ZFYVE28: variants seen among roughly 807,000 people sequenced by gnomAD.
The protein encoded by ZFYVE28 is zinc finger FYVE-type containing 28, also known as lateral signaling target protein 2 homolog.
In ZFYVE28, 40 loss-of-function variants were observed where a neutral mutation model predicts 82.1. That is an observed-to-expected ratio of 0.49 (90% confidence interval 0.38 to 0.63). The LOEUF (loss-of-function observed/expected upper bound fraction) is 0.63, where lower values mean the gene tolerates loss of function less well. ZFYVE28 is among the 30% of genes least tolerant of loss of function. ZFYVE28 has a pLI of 0.00. For synonymous variants in ZFYVE28, 612 were observed against 546.1 expected (o/e 1.12, Z -1.68); for missense variants, 1,321 against 1,242.1 (o/e 1.06, Z -0.96).
chr4:2,396,119 C>A (rs3128796), intron 1 of ZFYVE28, among the ~76,000 whole-genome samples: 8,303 of 83,176 alleles, frequency 0.1, 911 homozygotes, highest in Middle Eastern at 0.16. Flanking sequence ...TGCAGAGGGG[C>A]CACAAGGCGG....
intron 1 of ZFYVE28, among the ~76,000 whole-genome samples, chr4:2,382,919 G>C (rs1455519691): frequency 7.2e-6 from 1 of 139,304 alleles, no homozygotes; most frequent in Non-Finnish European, 1.6e-5. Context: ...AGAAGCAAAA[G>C]CAGAAACCCC....
intron 1 of ZFYVE28, among the ~76,000 whole-genome samples, chr4:2,399,669 G>C (rs3128785): frequency 0.85 from 129,322 of 152,264 alleles, 55,079 homozygotes; most frequent in Admixed American, 0.9. Flanking sequence ...CGTTGCACCA[G>C]GTGGCCTACA....
At chr4:2,363,352 AC>A (rs929351690) in intron 1 of ZFYVE28, among the ~76,000 whole-genome samples, 6 of 152,004 alleles carry the variant, frequency 3.9e-5, no homozygotes, top group African/African-American at 1.5e-4. Context: ...ACTGCCCAGA[AC>A]AGCCTGGAAC....
intron 1 of ZFYVE28, among the ~76,000 whole-genome samples, chr4:2,401,101 G>A (rs1401833756): frequency 2.0e-5 from 3 of 152,214 alleles, no homozygotes; most frequent in Non-Finnish European, 2.9e-5. Context: ...GGTACCTAGG[G>A]AGGAAGGCTG....
Position 2,270,721 on chromosome 4 carries a change from C to T in ZFYVE28, c.*4G>A. 1 of 1,613,062 alleles carries T rather than the reference C, an allele frequency of 6.2e-7. No individual in the cohort carries two copies. The highest frequency in any genetic ancestry group is 8.5e-7 in the Non-Finnish European group (1 of 1,179,886). On this transcript the variant is annotated 3_prime_UTR_variant, in exon 13 of 13. Coordinates refer to ENST00000290974, the MANE Select transcript of ZFYVE28 (RefSeq NM_020972.3). ...GGTGGGTTGGGGCTGCCCCTGGCAC[C>T]ACGTCACAGGCCGGCCTTGTCGCTG...
chr4:2,307,077 G>A (rs1226492636), intron 7 of ZFYVE28: 2 of 152,256 alleles, frequency 1.3e-5, no homozygotes, highest in African/African-American at 4.8e-5. Flanking sequence ...GAGCACTACT[G>A]TCTTTAACTG....
intron 1 of ZFYVE28, among the ~76,000 whole-genome samples, chr4:2,392,550 T>C (rs1729954026): frequency 6.6e-6 from 1 of 152,198 alleles, no homozygotes; most frequent in Non-Finnish European, 1.5e-5. Context: ...TGCAAGCAGG[T>C]CCGGATAGAT....
At chr4:2,306,719 C>T (rs1434945603) in intron 7 of ZFYVE28, among the ~76,000 whole-genome samples, 1 of 152,196 alleles carries the variant, frequency 6.6e-6, no homozygotes, top group African/African-American at 2.4e-5. Flanking sequence ...TTTTGTTTAT[C>T]TGAAATTCTA....
intron 1 of ZFYVE28, among the ~76,000 whole-genome samples, chr4:2,411,656 C>G (rs1732531910): frequency 6.6e-6 from 1 of 152,242 alleles, no homozygotes; most frequent in African/African-American, 2.4e-5. Context: ...CTGCTTCCTC[C>G]TGGCTGTAGA....
intron 8 of ZFYVE28, among the ~76,000 whole-genome samples, chr4:2,296,678 G>T (rs1432990700): frequency 6.6e-6 from 1 of 152,158 alleles, no homozygotes; most frequent in Admixed American, 6.5e-5. Context: ...CAGTCTGGGG[G>T]AAATGGCAGC....
chr4:2,348,132 C>T (rs891171916), intron 2 of ZFYVE28, among the ~76,000 whole-genome samples: 9 of 152,058 alleles, frequency 5.9e-5, no homozygotes, highest in Admixed American at 3.3e-4. Context: ...GAGGTGACAT[C>T]GCGGTGGATC....
At chr4:2,357,598 G>T (rs187819595) in intron 1 of ZFYVE28, among the ~76,000 whole-genome samples, 1 of 152,308 alleles carries the variant, frequency 6.6e-6, no homozygotes, top group Admixed American at 6.5e-5. Context: ...AGAAGCAGGG[G>T]CCTGGTGTGG....
chr4:2,386,151 C>G (rs1729238169), intron 1 of ZFYVE28, among the ~76,000 whole-genome samples: 2 of 152,164 alleles, frequency 1.3e-5, no homozygotes, highest in Admixed American at 1.3e-4. Flanking sequence ...TGTCCCCTCC[C>G]AAATGCACAT....
chr4:2,345,755 T>C (rs1459607998), intron 2 of ZFYVE28, among the ~76,000 whole-genome samples: 1 of 150,728 alleles, frequency 6.6e-6, no homozygotes, highest in African/African-American at 2.4e-5. Context: ...ATCAAATTGG[T>C]CAAAACCAAT....
rs1045044490 is a variant in ZFYVE28, at chr4:2,271,692, C to T, written c.2411G>A (p.Arg804His). Residue 804 changes from arginine to histidine, a missense_variant, in exon 11 of 13, where the codon CGC becomes CAC. Transcript: ENST00000290974. The part of the protein sequence containing the change: ...LSSSELAAKT[R>H]DGDFEDPPEW... ...CCACACACCTTCAAAGTCCCCATCG[C>T]GGGTCTTGGCTGCCAGTTCAGAGGA... 2.2e-5 allele frequency: 36 copies of T among 1,613,742 alleles called. No individual in the cohort carries two copies. Among genetic ancestry groups the T allele is most frequent in the Admixed American group, 8.3e-5 (5 of 60,006 alleles).
rs1410169351 is a variant in ZFYVE28 at position 2,270,268 on chromosome 4, T to A, written c.*457A>T. On this transcript the variant is annotated 3_prime_UTR_variant, in exon 13 of 13. Coordinates refer to ENST00000290974, the MANE Select transcript of ZFYVE28 (RefSeq NM_020972.3). ...AGAATGGGTAGCCTGCATTTGACGTTTGGGAGGCACATAGGGAGCCCTGCT... is the reference window on the plus strand; with the variant it reads ...AGAATGGGTAGCCTGCATTTGACGTATGGGAGGCACATAGGGAGCCCTGCT... The A allele has an allele frequency of 5.8e-6, 1 of 171,806 alleles. No homozygotes were observed. Among genetic ancestry groups the A allele is most frequent in the Non-Finnish European group, 1.2e-5 (1 of 80,012 alleles). The allele number at this position is 171,806 out of a possible 1,614,324, so 10.6% of individuals were successfully genotyped here. A position where few individuals can be genotyped will look rare whatever the true frequency, so the allele number is the denominator to read the frequency against.
At chr4:2,414,366 C>A (rs1732820153) in intron 1 of ZFYVE28, among the ~76,000 whole-genome samples, 1 of 152,276 alleles carries the variant, frequency 6.6e-6, no homozygotes, top group African/African-American at 2.4e-5. Flanking sequence ...GCAAGTCACT[C>A]AGGCTTCTCT....
At chr4:2,327,798 A>G (rs1720103506) in intron 6 of ZFYVE28, among the ~76,000 whole-genome samples, 2 of 152,242 alleles carry the variant, frequency 1.3e-5, no homozygotes, top group African/African-American at 4.8e-5. Flanking sequence ...TCTCAAAAGA[A>G]GACATACAAA....
chr4:2,313,126 T>C (rs2108831522), intron 7 of ZFYVE28, among the ~76,000 whole-genome samples: 1 of 152,108 alleles, frequency 6.6e-6, no homozygotes, highest in East Asian at 1.9e-4. Context: ...GGTTTTTTTT[T>C]TTTTTTGATA....
Sources: gnomAD v4.1 joint callset for allele counts (sites outside exome capture counted in the v4.1 genomes callset) on GRCh38, gnomAD v4.1.1 for gene constraint, MANE v1.5 for transcripts, NCBI Gene and HGNC (gene_info 2026-07-23, HGNC 2026-07-21) for gene names.